Variants in FSHR observed in about 807,000 individuals in gnomAD.
FSHR encodes follicle stimulating hormone receptor.
In FSHR, 46 loss-of-function variants were observed where a neutral mutation model predicts 52.1. The observed-to-expected ratio is 0.88, with a 90% confidence interval of 0.70 to 1.13. The LOEUF is 1.13. Ranked by LOEUF, FSHR falls within the 50% of genes most tolerant of loss-of-function variation. FSHR has a pLI of 0.00. For synonymous variants in FSHR, 399 were observed against 309.6 expected, an observed-to-expected ratio of 1.29 and a Z score of -3.03; for missense variants, 964 against 834.6, an observed-to-expected ratio of 1.16 and a Z score of -1.91.
intron 1 of FSHR, among the ~76,000 whole-genome samples, chr2:49,090,498 T>C (rs1670564464): frequency 1.3e-5 from 2 of 152,226 alleles, no homozygotes; most frequent in Admixed American, 6.5e-5. Context: ...TATACCACAG[T>C]TTGTTTACCT....
At chr2:49,094,932 CA>C (rs1558438351) in intron 1 of FSHR, among the ~76,000 whole-genome samples, 1 of 151,654 alleles carries the variant, frequency 6.6e-6, no homozygotes, top group Admixed American at 6.6e-5. Flanking sequence ...AGAGAAGACC[CA>C]AATTACTAAA....
At chr2:49,023,654 G>A (rs1475880465) in intron 2 of FSHR, among the ~76,000 whole-genome samples, 4 of 152,114 alleles carry the variant, frequency 2.6e-5, no homozygotes, top group African/African-American at 9.7e-5. Context: ...TCTCTCCCTA[G>A]GCCTTCTCTG....
At chr2:49,034,882 G>A (rs112808578) in intron 2 of FSHR, among the ~76,000 whole-genome samples, 1 of 152,160 alleles carries the variant, frequency 6.6e-6, no homozygotes. Flanking sequence ...GGGTTAGAAG[G>A]AGGGTGGCAT....
intron 1 of FSHR, among the ~76,000 whole-genome samples, chr2:49,083,830 C>A (rs1670268257): frequency 6.8e-6 from 1 of 146,236 alleles, no homozygotes; most frequent in African/African-American, 2.5e-5. Flanking sequence ...TACAGGAGCA[C>A]CCAGATGCAT....
intron 1 of FSHR, among the ~76,000 whole-genome samples, chr2:49,152,737 A>G (rs893936081): frequency 2.0e-5 from 3 of 152,138 alleles, no homozygotes; most frequent in African/African-American, 7.2e-5. Flanking sequence ...GGAGAGGTGG[A>G]AATTAGGGTG....
intron 1 of FSHR, among the ~76,000 whole-genome samples, chr2:49,087,480 C>T (rs991194142): frequency 2.0e-5 from 3 of 151,936 alleles, no homozygotes; most frequent in African/African-American, 7.3e-5. Context: ...TGCGCTAGGC[C>T]CTGAGGACAT....
chr2:49,099,843 G>A (rs933715985), intron 1 of FSHR, among the ~76,000 whole-genome samples: 8 of 152,074 alleles, frequency 5.3e-5, no homozygotes, highest in East Asian at 1.9e-4. Context: ...TAAGTTTAGC[G>A]TTCTAACCTC....
At chr2:49,038,438 GGTGAAACCC>G in intron 2 of FSHR, among the ~76,000 whole-genome samples, 1 of 151,772 alleles carries the variant, frequency 6.6e-6, no homozygotes, top group South Asian at 2.1e-4. Flanking sequence ...TGGCTAACAC[GGTGAAACCC>G]CGTCTCTACT....
At chr2:49,052,586 T>C (rs1205726551) in intron 2 of FSHR, among the ~76,000 whole-genome samples, 1 of 152,184 alleles carries the variant, frequency 6.6e-6, no homozygotes, top group Non-Finnish European at 1.5e-5. Context: ...TAAAGTGCAG[T>C]CTAAGAAGAG....
At chr2:49,072,013 TG>T (rs896631557) in intron 1 of FSHR, among the ~76,000 whole-genome samples, 3 of 152,150 alleles carry the variant, frequency 2.0e-5, no homozygotes, top group African/African-American at 7.2e-5. Flanking sequence ...ATAAGTGGGT[TG>T]TCATAATGGC....
intron 2 of FSHR, among the ~76,000 whole-genome samples, chr2:49,062,526 A>C (rs1350364785): frequency 6.6e-6 from 1 of 152,106 alleles, no homozygotes; most frequent in Admixed American, 6.6e-5. Context: ...TATGGAGAAG[A>C]CCTCAAAAGC....
intron 1 of FSHR, among the ~76,000 whole-genome samples, chr2:49,104,863 AG>A (rs148924563): frequency 0.033 from 1,750 of 53,022 alleles, 38 homozygotes; most frequent in African/African-American, 0.11. Context: ...AGATGGGGGG[AG>A]GGGGGGCGGG....
chr2:49,081,684 G>A (rs1044741413), intron 1 of FSHR, among the ~76,000 whole-genome samples: 16 of 152,026 alleles, frequency 1.1e-4, no homozygotes, highest in African/African-American at 3.9e-4. Flanking sequence ...TCACTATACT[G>A]CAGGTTACTT....
intron 1 of FSHR, among the ~76,000 whole-genome samples, chr2:49,081,584 G>A (rs1028373356): frequency 2.0e-5 from 3 of 152,052 alleles, no homozygotes; most frequent in Admixed American, 2.0e-4. Context: ...ATTCTTGTCA[G>A]ATAGTACCTT....
intron 1 of FSHR, among the ~76,000 whole-genome samples, chr2:49,089,765 A>G (rs1404529416): frequency 6.6e-6 from 1 of 152,202 alleles, no homozygotes; most frequent in Non-Finnish European, 1.5e-5. Flanking sequence ...ATTGATCTAA[A>G]AAATAAATAT....
chr2:49,020,081 C>G lies in FSHR; in HGVS notation c.299+5G>C. ...ATGAGCAAATCCCCCAATCTTCTTG[C>G]TTACATTTCATGTAATTTGGGAAGG... On this transcript the variant is annotated splice_donor_5th_base_variant and intron_variant, in intron 3 of 9. Coordinates refer to ENST00000406846, the MANE Select transcript of FSHR (RefSeq NM_000145.4). The G allele has an allele frequency of 6.2e-7, 1 of 1,610,844 alleles. No homozygotes were observed. Among genetic ancestry groups the G allele is most frequent in the Non-Finnish European group, 8.5e-7 (1 of 1,177,110 alleles).
At position 49,019,399 on chromosome 2, in the gene FSHR, C is replaced by G. The variant is rs186509269; in HGVS notation, c.299+687G>C. On this transcript the variant is annotated intron_variant, in intron 3 of 9. Transcript: ENST00000406846. ...CTTCTGGCTTTGACATTCTATGATT[C>G]TATGAAATAATTTATAGTAATAATA... Among the ~76,000 whole-genome samples, 280 of 152,176 alleles carry G rather than the reference C, an allele frequency of 1.8e-3. 1 individual carries two copies. The highest frequency in any genetic ancestry group is 6.0e-3 in the African/African-American group (248 of 41,530).
intron 2 of FSHR, among the ~76,000 whole-genome samples, chr2:49,051,833 A>G (rs1668870261): frequency 6.6e-6 from 1 of 152,094 alleles, no homozygotes; most frequent in African/African-American, 2.4e-5. Flanking sequence ...TTTTGCGTTT[A>G]AGTCAATTAT....
Position 48,963,358 on chromosome 2 carries a change from C to G in FSHR, c.1463G>C (p.Ser488Thr). ...AAAAATCCAGCCCATCACCATGACACTGGCAGCATGGCGGAGCTGCACCTT... is the reference window on the plus strand; with the variant it reads ...AAAAATCCAGCCCATCACCATGACAGTGGCAGCATGGCGGAGCTGCACCTT... ...DCKVQLRHAA[S>T]VMVMGWIFAF... The change falls in exon 10 of 10, where the codon AGT becomes ACT. Residue 488 changes from serine to threonine, a missense_variant. Transcript: ENST00000406846. 1.2e-6 allele frequency: 2 copies of G among 1,614,060 alleles called. No individual in the cohort carries two copies. The highest frequency in any genetic ancestry group is 8.5e-7 in the Non-Finnish European group (1 of 1,179,988).
Sources: allele counts gnomAD v4.1 joint callset (sites outside exome capture counted in the v4.1 genomes callset), GRCh38; gene constraint gnomAD v4.1.1; transcripts MANE v1.5; gene names NCBI Gene and HGNC (gene_info 2026-07-23, HGNC 2026-07-21).